EYS: variants seen among roughly 807,000 people sequenced by gnomAD.
EYS encodes the protein protein eyes shut homolog.
Under a neutral mutation model 282.1 loss-of-function variants are expected in EYS, and 250 were observed. That is an observed-to-expected ratio of 0.89 (90% confidence interval 0.80 to 0.98). The LOEUF (loss-of-function observed/expected upper bound fraction) is 0.98, where lower values mean the gene tolerates loss of function less well. EYS is among the 50% of genes least tolerant of loss of function. The pLI is 0.00. For synonymous variants in EYS, 1,355 were observed against 1,282.9 expected, an observed-to-expected ratio of 1.06 and a Z score of -1.20; for missense variants, 4,016 against 3,709.0, an observed-to-expected ratio of 1.08 and a Z score of -2.15.
intron 28 of EYS, among the ~76,000 whole-genome samples, chr6:64,435,721 G>C (rs1774720067): frequency 6.6e-6 from 1 of 151,838 alleles, no homozygotes; most frequent in Non-Finnish European, 1.5e-5. Flanking sequence ...ATGAGCATTT[G>C]GGGATAGGGT....
intron 22 of EYS, among the ~76,000 whole-genome samples, chr6:64,659,593 G>A (rs1015496177): frequency 1.3e-5 from 2 of 152,076 alleles, no homozygotes; most frequent in South Asian, 4.1e-4. Context: ...TACCATCAGA[G>A]AATACTATAA....
chr6:65,085,130 G>T (rs1774330785), intron 12 of EYS, among the ~76,000 whole-genome samples: 1 of 152,096 alleles, frequency 6.6e-6, no homozygotes, highest in South Asian at 2.1e-4. Flanking sequence ...GATGAGTGAA[G>T]CCAGAAGTCA....
intron 31 of EYS, among the ~76,000 whole-genome samples, chr6:64,228,137 G>C (rs1766305354): frequency 6.6e-6 from 1 of 152,122 alleles, no homozygotes; most frequent in East Asian, 1.9e-4. Context: ...TGGATTCTAA[G>C]GCACACAACA....
intron 15 of EYS, among the ~76,000 whole-genome samples, chr6:64,916,990 C>G (rs959793550): frequency 6.6e-6 from 1 of 152,220 alleles, no homozygotes; most frequent in Non-Finnish European, 1.5e-5. Context: ...TTGGCTCACG[C>G]CTGTAATCCC....
At chr6:65,203,617 G>A (rs139956198) in intron 12 of EYS, among the ~76,000 whole-genome samples, 252 of 152,156 alleles carry the variant, frequency 1.7e-3, no homozygotes, top group African/African-American at 5.9e-3. Flanking sequence ...ATAAATGACA[G>A]CATCTACATA....
chr6:65,198,247 A>G (rs1188477361), intron 12 of EYS, among the ~76,000 whole-genome samples: 1 of 152,096 alleles, frequency 6.6e-6, no homozygotes, highest in South Asian at 2.1e-4. Context: ...GGGCAGTAAC[A>G]TGTATGGAGT....
intron 29 of EYS, among the ~76,000 whole-genome samples, chr6:64,356,308 C>T (rs647184): frequency 0.61 from 92,275 of 151,170 alleles, 28,790 homozygotes; most frequent in Non-Finnish European, 0.69. Context: ...AAAAAGACAA[C>T]GTGTTCAATA....
In EYS at chr6:64,204,990, G is replaced by T. The variant is rs140514199; in HGVS notation, c.6424+25602C>A. Among the ~76,000 whole-genome samples, 9 of 152,212 alleles carry T rather than the reference G, an allele frequency of 5.9e-5. No homozygotes were observed. The East Asian group carries it at 1.7e-3, about 29-fold the overall frequency. On this transcript the variant is annotated intron_variant, in intron 31 of 42. Coordinates refer to ENST00000503581, the MANE Select transcript of EYS (RefSeq NM_001142800.2). ...ATAGAGGGATGGGTAGATATGTAAT[G>T]AAATATTTCTGGTAAATTGTTAACA...
At chr6:65,209,830 T>A (rs1766128684) in intron 12 of EYS, among the ~76,000 whole-genome samples, 1 of 151,890 alleles carries the variant, frequency 6.6e-6, no homozygotes, top group Admixed American at 6.6e-5. Flanking sequence ...GAAGTAGCCA[T>A]GTGGAGATAT....
intron 4 of EYS, among the ~76,000 whole-genome samples, chr6:65,494,362 C>G (rs1429353207): frequency 2.6e-5 from 4 of 151,996 alleles, no homozygotes; most frequent in African/African-American, 9.7e-5. Flanking sequence ...ACTGCAAGCT[C>G]CACCTCCCGG....
intron 30 of EYS, among the ~76,000 whole-genome samples, chr6:64,240,189 A>G (rs972337287): frequency 1.3e-5 from 2 of 152,142 alleles, no homozygotes; most frequent in African/African-American, 4.8e-5. Context: ...AGGTAGTGTG[A>G]TGCCTCCAGG....
chr6:64,771,270 C>T (rs1411911826), intron 22 of EYS, among the ~76,000 whole-genome samples: 1 of 151,586 alleles, frequency 6.6e-6, no homozygotes, highest in Non-Finnish European at 1.5e-5. Context: ...TGATTCTCCT[C>T]TTTCTGAATT....
At chr6:65,001,403 A>G (rs1474926244) in intron 13 of EYS, among the ~76,000 whole-genome samples, 1 of 147,078 alleles carries the variant, frequency 6.8e-6, no homozygotes, top group Non-Finnish European at 1.5e-5. Context: ...ACCACTCCCA[A>G]ACTCCTCTTG....
At chr6:65,278,816 A>G (rs1386359770) in intron 12 of EYS, among the ~76,000 whole-genome samples, 1 of 152,154 alleles carries the variant, frequency 6.6e-6, no homozygotes, top group Non-Finnish European at 1.5e-5. Flanking sequence ...TTTTATTCAA[A>G]TAGTATCTGA....
intron 10 of EYS, among the ~76,000 whole-genome samples, chr6:65,336,816 T>C (rs1770006737): frequency 6.6e-6 from 1 of 151,582 alleles, no homozygotes; most frequent in Non-Finnish European, 1.5e-5. Context: ...TCCACAGATA[T>C]GCCCAGTGGA....
At chr6:65,187,793 A>G (rs1765548301) in intron 12 of EYS, among the ~76,000 whole-genome samples, 1 of 151,710 alleles carries the variant, frequency 6.6e-6, no homozygotes, top group African/African-American at 2.4e-5. Flanking sequence ...TATGGCTACC[A>G]TTTACTCTGA....
chr6:65,577,424 T>C (rs893441921), intron 2 of EYS, among the ~76,000 whole-genome samples: 3 of 151,604 alleles, frequency 2.0e-5, no homozygotes, highest in Non-Finnish European at 4.4e-5. Flanking sequence ...TAAAATCAAC[T>C]CAAAATAAAT....
At chr6:64,227,369 GT>G (rs201875346) in intron 31 of EYS, among the ~76,000 whole-genome samples, 11 of 150,860 alleles carry the variant, frequency 7.3e-5, no homozygotes, top group Admixed American at 5.3e-4. Flanking sequence ...CTAAAGCAAA[GT>G]TTTTTTTTCA....
At chr6:64,504,171 G>A (rs774557854) in intron 26 of EYS, among the ~76,000 whole-genome samples, 40 of 152,148 alleles carry the variant, frequency 2.6e-4, no homozygotes, top group Non-Finnish European at 4.9e-4. Flanking sequence ...GATACATTGA[G>A]TTCTAGCCTT....
Sources: gnomAD v4.1 joint callset for allele counts (sites outside exome capture counted in the v4.1 genomes callset) on GRCh38, gnomAD v4.1.1 for gene constraint, MANE v1.5 for transcripts, NCBI Gene and HGNC (gene_info 2026-07-23, HGNC 2026-07-21) for gene names.